The following EXD3 variants were observed in gnomAD, a reference collection of about 807,000 sequenced individuals.
EXD3 encodes the protein exonuclease mut-7 homolog.
EXD3 carries 92 observed loss-of-function variants against 98.0 expected under a neutral mutation model. That is an observed-to-expected ratio of 0.94 (90% CI 0.79 to 1.12). The LOEUF (loss-of-function observed/expected upper bound fraction) is 1.12, where lower values mean the gene tolerates loss of function less well. EXD3 is among the 50% of genes most tolerant of loss of function. The pLI, the probability that EXD3 is intolerant of heterozygous loss-of-function variation, is 0.00. For missense variants in EXD3, 1,222 were observed against 1,191.6 expected (o/e 1.03, Z -0.38); for synonymous variants, 569 against 526.0 (o/e 1.08, Z -1.12).
At chr9:137,372,354 C>T (rs1302924881) in intron 5 of EXD3, among the ~76,000 whole-genome samples, 1 of 152,216 alleles carries the variant, frequency 6.6e-6, no homozygotes, top group Admixed American at 6.5e-5. Flanking sequence ...GTGGGCACCA[C>T]TCTGGGGGTG....
At chr9:137,389,951 G>A (rs777670136) in intron 2 of EXD3, among the ~76,000 whole-genome samples, 12 of 150,206 alleles carry the variant, frequency 8.0e-5, no homozygotes, top group Non-Finnish European at 1.3e-4. Flanking sequence ...GCGAAACCCC[G>A]TCTCTACTAA....
At chr9:137,353,205 G>A in intron 10 of EXD3, 2 of 981,608 alleles carry the variant, frequency 2.0e-6, no homozygotes, top group Non-Finnish European at 2.4e-6. Flanking sequence ...AGCCCTCCTG[G>A]CCTCCAAGCC....
At chr9:137,352,840 GC>G in intron 10 of EXD3, 54 bp from the exon 11 acceptor site, 1 of 1,531,956 alleles carries the variant, frequency 6.5e-7, no homozygotes, top group Non-Finnish European at 8.8e-7. Context: ...GTGCCACAGG[GC>G]CCTGCCCCGA....
chr9:137,355,443 G>GGAGAAA (rs1564507952), intron 8 of EXD3, among the ~76,000 whole-genome samples: 3 of 15,944 alleles, frequency 1.9e-4, no homozygotes, highest in Admixed American at 9.9e-4. Context: ...GATGGAGGAA[G>GGAGAAA]GGAGGATGGA....
chr9:137,395,245 C>A lies in EXD3; in HGVS notation c.55+58G>T. 6.6e-7 allele frequency: 1 copy of A among 1,504,488 alleles called. No individual in the cohort carries two copies. The highest frequency in any genetic ancestry group is 1.7e-5 in the Admixed American group (1 of 59,826). The allele number at this position is 1,504,488 out of a possible 1,614,324, so 93.2% of individuals were successfully genotyped here. A position where few individuals can be genotyped will look rare whatever the true frequency, so the allele number is the denominator to read the frequency against. On this transcript the variant is annotated intron_variant, in intron 2 of 21. Coordinates refer to ENST00000340951, the MANE Select transcript of EXD3 (RefSeq NM_017820.5). The surrounding 1 kb of genome is among the most constrained non-coding windows in gnomAD (Gnocchi z 6.5). ...TGGGCGCCACCACCCCCCATGCACA[C>A]CCACGCACCTCCCCCCACAGCCCCA...
In EXD3 at chr9:137,395,969, T is replaced by C. The variant is rs977818917; in HGVS notation, c.-47-565A>G. ...TTTTTTTTTCTTTTCTTTCTTTCTTTCTTTTTTTTTTTTTTGGAGACAGAG... is the reference window on the plus strand; with the variant it reads ...TTTTTTTTTCTTTTCTTTCTTTCTTCCTTTTTTTTTTTTTTGGAGACAGAG... On this transcript the variant is annotated intron_variant, in intron 1 of 21. Transcript: ENST00000340951. The surrounding 1 kb of genome is among the most constrained non-coding windows in gnomAD (Gnocchi z 6.5). Among the ~76,000 whole-genome samples the C allele has an allele frequency of 2.0e-3, 298 of 147,616 alleles. No individual in the cohort carries two copies. The highest frequency in any genetic ancestry group is 7.1e-3 in the African/African-American group (286 of 40,174).
intron 10 of EXD3, chr9:137,353,980 G>A (rs930275004): frequency 1.6e-5 from 18 of 1,102,044 alleles, no homozygotes; most frequent in Non-Finnish European, 2.0e-5. Flanking sequence ...GGGCTGGGGG[G>A]GCCTGGCCTT....
rs748043355 is a variant in EXD3 at position 137,348,183 on chromosome 9, G to C, written c.1886C>G (p.Ala629Gly). Reference protein sequence around the residue: ...EGAAPQIPARAFRVVCDNMLQ... With the variant: ...EGAAPQIPARGFRVVCDNMLQ... ...CATGTTGTCACACACCACACGGAAG[G>C]CCCTGGCCGGAATCTGAGGGGCAGC... Residue 629 changes from alanine (A) to glycine (G), a missense_variant, in exon 17 of 22, where the codon GCC becomes GGC. Transcript: ENST00000340951. 1.9e-6 allele frequency: 3 copies of C among 1,611,924 alleles called. No individual in the cohort carries two copies. The highest frequency in any genetic ancestry group is 4.5e-5 in the East Asian group (2 of 44,794).
At chr9:137,376,937 A>G (rs999902397) in intron 3 of EXD3, 1 of 151,702 alleles carries the variant, frequency 6.6e-6, no homozygotes, top group African/African-American at 2.4e-5. Flanking sequence ...CTCAAAAAAA[A>G]AAAAAAAAAA....
Position 137,326,000 on chromosome 9 carries a change from A to G in EXD3, c.1999-1857T>C, listed in dbSNP as rs1832379412. Among the ~76,000 whole-genome samples, 3 of 150,568 alleles carry G rather than the reference A, an allele frequency of 2.0e-5. No homozygotes were observed. The South Asian group carries it at 6.3e-4, about 32-fold the overall frequency. ...GAAGTCGACGTGGGATGATCACCTG[A>G]GCCGGGAGGTCAAGGCTGCAGTGGG... is the stretch of plus-strand genomic sequence containing the variant. On this transcript the variant is annotated intron_variant, in intron 17 of 21. Coordinates refer to ENST00000340951, the MANE Select transcript of EXD3 (RefSeq NM_017820.5).
intron 13 of EXD3, 52 bp from the exon 14 acceptor site, chr9:137,351,199 G>A (rs895262595): frequency 2.6e-5 from 40 of 1,538,410 alleles, no homozygotes; most frequent in Non-Finnish European, 3.5e-5. Flanking sequence ...GGACCGCACT[G>A]TCCCCTGACC....
intron 1 of EXD3, among the ~76,000 whole-genome samples, chr9:137,397,087 T>C (rs1837255011): frequency 2.0e-5 from 3 of 151,988 alleles, no homozygotes; most frequent in Non-Finnish European, 4.4e-5. Flanking sequence ...GAGAATACAG[T>C]GGAGACACCA....
rs778228218 is a variant in EXD3, at chr9:137,383,366, G to C, written c.67C>G (p.Leu23Val). The C allele has an allele frequency of 2.4e-5, 37 of 1,550,512 alleles. No homozygotes were observed. The African/African-American group carries it at 4.5e-4, about 19-fold the overall frequency. Residue 23 changes from leucine to valine, a missense_variant, in exon 3 of 22, where the codon CTC (leucine) becomes GTC (valine). Physicochemically the swap from Leu to Val is conservative, Grantham distance 32. Coordinates refer to ENST00000340951, the MANE Select transcript of EXD3 (RefSeq NM_017820.5). ...GERHRMGRDP[L>V]LLLQALQTLW... Reference sequence around the variant, plus strand: ...GTCTGCAGGGCCTGCAGGAGCAGGAGGGGGTCCCGGCCTGTGGAGATAAGA... The same window carrying C: ...GTCTGCAGGGCCTGCAGGAGCAGGACGGGGTCCCGGCCTGTGGAGATAAGA...
chr9:137,372,104 A>G (rs1053413713), intron 5 of EXD3, among the ~76,000 whole-genome samples: 2 of 152,184 alleles, frequency 1.3e-5, no homozygotes, highest in African/African-American at 4.8e-5. Context: ...CAACAGCTCC[A>G]CCAATTCTCA....
At chr9:137,340,916 G>T (rs758988017) in intron 17 of EXD3, among the ~76,000 whole-genome samples, 1 of 152,184 alleles carries the variant, frequency 6.6e-6, no homozygotes, top group Non-Finnish European at 1.5e-5. Flanking sequence ...AACCTATATA[G>T]AAAGGACAAA....
chr9:137,348,315 G>A (rs1834044355), intron 16 of EXD3, 77 bp from the exon 17 acceptor site: 1 of 1,455,282 alleles, frequency 6.9e-7, no homozygotes. Flanking sequence ...GGGCCCTGAG[G>A]CTGTGTGGCC....
intron 1 of EXD3, among the ~76,000 whole-genome samples, chr9:137,420,016 C>A (rs944829366): frequency 6.6e-6 from 1 of 151,800 alleles, no homozygotes; most frequent in Admixed American, 6.6e-5. Flanking sequence ...AAAAATTAGC[C>A]GGGCATGGTG....
At chr9:137,351,283 C>T in intron 13 of EXD3, 35 bp downstream of exon 13, 1 of 1,586,804 alleles carries the variant, frequency 6.3e-7, no homozygotes, top group Non-Finnish European at 8.6e-7. Flanking sequence ...TGCTTTCTTT[C>T]TGGACTGGGC....
chr9:137,308,785 T>A (rs921725696), intron 20 of EXD3, among the ~76,000 whole-genome samples: 1 of 152,012 alleles, frequency 6.6e-6, no homozygotes, highest in East Asian at 1.9e-4. Context: ...CACAGGCGTG[T>A]GCCACCACAC....
Sources: allele counts gnomAD v4.1 joint callset (sites outside exome capture counted in the v4.1 genomes callset), GRCh38; gene constraint gnomAD v4.1.1; non-coding constraint Gnocchi (gnomAD v3.1); transcripts MANE v1.5; gene names NCBI Gene and HGNC (gene_info 2026-07-23, HGNC 2026-07-21).